Variants in MEIKIN observed in about 807,000 individuals in gnomAD.
The protein encoded by MEIKIN is meiotic kinetochore factor, also known as meiosis-specific kinetochore protein.
intron 9 of MEIKIN, among the ~76,000 whole-genome samples, chr5:131,876,368 T>C (rs1311361223): frequency 6.6e-6 from 1 of 151,490 alleles, no homozygotes; most frequent in Non-Finnish European, 1.5e-5. Context: ...AAGAAGACAT[T>C]TATGCGGCCA....
intron 12 of MEIKIN, among the ~76,000 whole-genome samples, chr5:131,807,538 C>T (rs1171694713): frequency 1.3e-5 from 2 of 152,290 alleles, no homozygotes; most frequent in East Asian, 3.9e-4. Flanking sequence ...CTGTCAGTGG[C>T]CATCACAGAG....
intron 3 of MEIKIN, 44 bp from the exon 4 acceptor site, chr5:131,942,739 G>T: frequency 2.5e-6 from 1 of 397,208 alleles, no homozygotes; most frequent in Admixed American, 4.4e-5. Context: ...TTATGAGATT[G>T]ACCATTTCTA....
At chr5:131,935,267 C>CAAAAAAAAAAAAAAAAAAAAAAA (rs749135114) in intron 4 of MEIKIN, among the ~76,000 whole-genome samples, 1 of 36,650 alleles carries the variant, frequency 2.7e-5, no homozygotes, top group Admixed American at 3.3e-4. Flanking sequence ...CCCGTCTCTA[C>CAAAAAAAAAAAAAAAAAAAAAAA]AAAAAAAAAA....
chr5:131,844,275 T>C (rs1053318070), intron 11 of MEIKIN, among the ~76,000 whole-genome samples: 4 of 152,092 alleles, frequency 2.6e-5, no homozygotes, highest in African/African-American at 7.2e-5. Flanking sequence ...ATTCCAGACT[T>C]ACCCTTTCAC....
chr5:131,813,109 T>TTC (rs1773026804), intron 12 of MEIKIN, among the ~76,000 whole-genome samples: 1 of 152,198 alleles, frequency 6.6e-6, no homozygotes, highest in African/African-American at 2.4e-5. Flanking sequence ...GTAAGTAACA[T>TTC]GAGGAAGTGA....
At chr5:131,870,820 G>C (rs1404117190) in intron 9 of MEIKIN, among the ~76,000 whole-genome samples, 1 of 152,054 alleles carries the variant, frequency 6.6e-6, no homozygotes, top group Non-Finnish European at 1.5e-5. Flanking sequence ...AAAAATCTTT[G>C]TAACTCCCTA....
intron 9 of MEIKIN, among the ~76,000 whole-genome samples, chr5:131,860,683 A>G (rs1284657426): frequency 1.4e-5 from 2 of 145,502 alleles, no homozygotes; most frequent in East Asian, 4.1e-4. Flanking sequence ...TCCTCACCTC[A>G]TGATCCACCC....
intron 1 of MEIKIN, 35 bp from the exon 2 acceptor site, chr5:131,945,284 C>G (rs1751942742): frequency 2.5e-6 from 1 of 399,136 alleles, no homozygotes; most frequent in Admixed American, 4.4e-5. Context: ...GGCAAGAAAC[C>G]TACCCACCGG....
At position 131,890,572 on chromosome 5, in the gene MEIKIN, T is replaced by C. The variant is rs112368188; in HGVS notation, c.704-11524A>G. ...GGGATCAGTGATGATATCTCCTTTG[T>C]CATTTTTTATTGCGTCTATTTGATT... On this transcript the variant is annotated intron_variant, in intron 8 of 12. Coordinates refer to ENST00000442687, the MANE Select transcript of MEIKIN (RefSeq NM_001303622.2). 6.1e-3 allele frequency among the ~76,000 whole-genome samples: 935 copies of C among 152,362 alleles called. 7 individuals carry two copies. Among genetic ancestry groups the C allele is most frequent in the African/African-American group, 0.021 (885 of 41,584 alleles).
intron 11 of MEIKIN, among the ~76,000 whole-genome samples, chr5:131,846,954 A>G (rs1176918914): frequency 6.6e-6 from 1 of 152,226 alleles, no homozygotes; most frequent in Non-Finnish European, 1.5e-5. Flanking sequence ...TTAGAGTATC[A>G]TAACTTTAGA....
intron 11 of MEIKIN, among the ~76,000 whole-genome samples, chr5:131,844,221 A>G (rs1367640635): frequency 6.6e-6 from 1 of 152,196 alleles, no homozygotes; most frequent in Non-Finnish European, 1.5e-5. Context: ...TGGGAATACA[A>G]TTCAACAAGA....
chr5:131,921,125 A>G (rs1158524110), intron 6 of MEIKIN, among the ~76,000 whole-genome samples: 2 of 152,258 alleles, frequency 1.3e-5, no homozygotes, highest in African/African-American at 4.8e-5. Context: ...CTAGGGAGAA[A>G]TAACAATTAA....
chr5:131,849,426 T>C (rs1580871384), intron 11 of MEIKIN, among the ~76,000 whole-genome samples: 1 of 101,600 alleles, frequency 9.8e-6, no homozygotes, highest in East Asian at 3.2e-4. Context: ...CTTTTCTTTA[T>C]ATATATAAAG....
At chr5:131,856,298 C>G (rs1750192348) in intron 9 of MEIKIN, among the ~76,000 whole-genome samples, 1 of 152,150 alleles carries the variant, frequency 6.6e-6, no homozygotes, top group Non-Finnish European at 1.5e-5. Flanking sequence ...TCAATGATAA[C>G]TATTATCATC....
intron 11 of MEIKIN, among the ~76,000 whole-genome samples, chr5:131,823,012 T>C (rs1283876301): frequency 6.6e-6 from 1 of 151,580 alleles, no homozygotes; most frequent in Non-Finnish European, 1.5e-5. Context: ...AAATATGTCA[T>C]GCCACTCTCT....
chr5:131,925,971 G>A (rs973709078), intron 5 of MEIKIN, among the ~76,000 whole-genome samples: 10 of 151,986 alleles, frequency 6.6e-5, no homozygotes, highest in Non-Finnish European at 1.2e-4. Context: ...CCAGCCTTGT[G>A]GTGTCTTTAG....
chr5:131,827,170 A>G (rs1749629962), intron 11 of MEIKIN, among the ~76,000 whole-genome samples: 1 of 152,076 alleles, frequency 6.6e-6, no homozygotes, highest in Non-Finnish European at 1.5e-5. Context: ...CCTTTTGTAG[A>G]GACAGGGTCT....
chr5:131,878,818 T>C, intron 9 of MEIKIN, 160 bp downstream of exon 9: 2 of 372,530 alleles, frequency 5.4e-6, no homozygotes, highest in Non-Finnish European at 9.5e-6. Context: ...AAGGCTGTAG[T>C]GAGCTATGAT....
intron 11 of MEIKIN, among the ~76,000 whole-genome samples, chr5:131,842,380 G>C (rs1195047007): frequency 3.9e-5 from 6 of 152,098 alleles, no homozygotes; most frequent in Admixed American, 6.6e-5. Flanking sequence ...AGGTCTTGTT[G>C]CTCATTTTAG....
Sources: gnomAD v4.1 joint callset for allele counts (sites outside exome capture counted in the v4.1 genomes callset) on GRCh38, gnomAD v4.1.1 for gene constraint, MANE v1.5 for transcripts, NCBI Gene and HGNC (gene_info 2026-07-23, HGNC 2026-07-21) for gene names.